NECTIN4: variants seen among roughly 807,000 people sequenced by gnomAD.
The protein encoded by NECTIN4 is nectin-4.
NECTIN4 carries 19 observed loss-of-function variants against 51.7 expected under a neutral mutation model. That is an observed-to-expected ratio of 0.37 (90% CI 0.26 to 0.54). The LOEUF (loss-of-function observed/expected upper bound fraction) is 0.54, where lower values mean the gene tolerates loss of function less well. Among genes scored for constraint, NECTIN4 ranks in the 20% least tolerant of loss-of-function variants. The pLI, the probability that NECTIN4 is intolerant of heterozygous loss-of-function variation, is 0.86. For missense variants in NECTIN4, 619 were observed against 662.4 expected (o/e 0.93, Z 0.72); for synonymous variants, 283 against 286.9 (o/e 0.99, Z 0.14).
At position 161,072,725 on chromosome 1, in the gene NECTIN4, C is replaced by T; in HGVS notation, c.1469G>A (p.Gly490Glu). ...GCCCGTGGGCTTGGCCCGTAGGGTC[C>T]CATTCTCCTGAACAAAATGGTTCAT... is the stretch of plus-strand genomic sequence containing the variant. ...QAMNHFVQEN[G>E]TLRAKPTGNG... The change falls in exon 9 of 9, where the codon GGG (glycine) becomes GAG (glutamate). Residue 490 changes from glycine to glutamate, a missense_variant. Transcript: ENST00000368012. 1 of 1,614,206 alleles carries T rather than the reference C, an allele frequency of 6.2e-7. No individual in the cohort carries two copies. The highest frequency in any genetic ancestry group is 8.5e-7 in the Non-Finnish European group (1 of 1,180,036).
Position 161,089,272 on chromosome 1 carries a change from T to C in NECTIN4, c.25A>G (p.Met9Val), listed in dbSNP as rs900543202. The C allele has an allele frequency of 6.2e-7, 1 of 1,611,032 alleles. No individual in the cohort carries two copies. Among genetic ancestry groups the C allele is most frequent in the South Asian group, 1.1e-5 (1 of 91,056 alleles). The stretch of plus-strand genomic sequence containing the variant: ...AGCAGCCAGGCCTCAGGCCCCCACA[T>C]CTCGGCTCCCAGGGACAGGGGCATG... MPLSLGAE[M>V]WGPEAWLLLL... The change falls in exon 1 of 9, where the codon ATG becomes GTG. Residue 9 changes from methionine to valine, a missense_variant. Physicochemically the swap from Met to Val is conservative, Grantham distance 21. Transcript: ENST00000368012. The surrounding 1 kb of genome is among the most constrained non-coding windows in gnomAD (Gnocchi z 4.1).
Position 161,072,848 on chromosome 1 carries a change from G to C in NECTIN4, c.1346C>G (p.Thr449Ser). The change falls in exon 9 of 9, where the codon ACC becomes AGC. Residue 449 changes from threonine (T) to serine (S), a missense_variant. Physicochemically the swap from Thr to Ser is moderately conservative, Grantham distance 58. Coordinates refer to ENST00000368012, the MANE Select transcript of NECTIN4 (RefSeq NM_030916.3). ...EPEGRSYSTLTTVREIETQTE... is the reference protein window; with the variant it reads ...EPEGRSYSTLSTVREIETQTE... ...CTGTGTTTCTATCTCCCTCACCGTG[G>C]TCAGCGTGGAGTAACTGCGGCCCTC... is the stretch of plus-strand genomic sequence containing the variant. 1 of 1,614,192 alleles carries C rather than the reference G, an allele frequency of 6.2e-7. No homozygotes were observed.
At position 161,072,271 on chromosome 1, in the gene NECTIN4, C is replaced by G; in HGVS notation, c.*390G>C. 2.8e-6 allele frequency: 1 copy of G among 360,898 alleles called. No homozygotes were observed. Among genetic ancestry groups the G allele is most frequent in the Non-Finnish European group, 5.4e-6 (1 of 186,176 alleles). 22.4% of individuals were successfully genotyped at this position (360,898 alleles called of 1,614,324 possible). Reference sequence around the variant, plus strand: ...AGGTCACACACAGCCACATGACACACACGCCAAACCCTGACAGTGTTGCCC... The same window carrying G: ...AGGTCACACACAGCCACATGACACAGACGCCAAACCCTGACAGTGTTGCCC... On this transcript the variant is annotated 3_prime_UTR_variant, in exon 9 of 9. Transcript: ENST00000368012.
At chr1:161,081,514 A>G (rs745498546) in intron 1 of NECTIN4, among the ~76,000 whole-genome samples, 3 of 152,156 alleles carry the variant, frequency 2.0e-5, no homozygotes, top group Non-Finnish European at 2.9e-5. Context: ...TTGGGAAGAA[A>G]TAAATTTGGA....
intron 2 of NECTIN4, among the ~76,000 whole-genome samples, 181 bp from the exon 3 acceptor site, chr1:161,077,924 A>G (rs1653492816): frequency 6.6e-6 from 1 of 152,202 alleles, no homozygotes; most frequent in South Asian, 2.1e-4. Context: ...CTACTGTGCG[A>G]ATTTTTTACA....
intron 1 of NECTIN4, among the ~76,000 whole-genome samples, chr1:161,081,470 T>G (rs1288211485): frequency 6.6e-6 from 1 of 152,080 alleles, no homozygotes; most frequent in Admixed American, 6.5e-5. Flanking sequence ...GATGAGTAAC[T>G]TATGAGGGAG....
At chr1:161,086,204 C>T (rs1454849606) in intron 1 of NECTIN4, among the ~76,000 whole-genome samples, 1 of 152,190 alleles carries the variant, frequency 6.6e-6, no homozygotes, top group African/African-American at 2.4e-5. Flanking sequence ...ACCCCCAGAT[C>T]CTGAGGCTCT....
chr1:161,073,916 G>C (rs1653298672), intron 6 of NECTIN4, 121 bp from the exon 7 acceptor site: 1 of 885,128 alleles, frequency 1.1e-6, no homozygotes, highest in African/African-American at 1.6e-5. Context: ...GGCCCTGCAA[G>C]TGTGAGTGTG....
At position 161,079,858 on chromosome 1, in the gene NECTIN4, G is replaced by A. The variant is rs189626785; in HGVS notation, c.171C>T (p.Asp57=). 2.5e-5 allele frequency: 40 copies of A among 1,613,916 alleles called. No individual in the cohort carries two copies. The East Asian group carries it at 7.1e-4, about 29-fold the overall frequency. Residue 57 remains aspartate, a synonymous_variant, in exon 2 of 9, where the codon GAC becomes GAT. Transcript: ENST00000368012. The part of the protein sequence containing the change: ...DAKLPCFYRG[D]SGEQVGQVAW... ...CCACTTGCCCCACTTGCTCGCCGGA[G>A]TCCCCTCGGTAGAAGCAGGGCAGTT...
intron 4 of NECTIN4, 77 bp downstream of exon 4, chr1:161,076,278 C>T (rs1653409190): frequency 3.9e-6 from 6 of 1,546,514 alleles, no homozygotes; most frequent in Non-Finnish European, 5.3e-6. Context: ...TTGTCCCATT[C>T]CATAGTGGTA....
rs1653130054 is a variant in NECTIN4, at chr1:161,071,216, T to C, written c.*1445A>G. ...GGGTACTAAATCTAGGTATTCTGGCTGAGTGTATCTGGGTGGGCCAGCTAA... is the reference window on the plus strand; with the variant it reads ...GGGTACTAAATCTAGGTATTCTGGCCGAGTGTATCTGGGTGGGCCAGCTAA... On this transcript the variant is annotated 3_prime_UTR_variant, in exon 9 of 9. Transcript: ENST00000368012. The C allele has an allele frequency of 6.6e-6, 1 of 152,130 alleles. No homozygotes were observed. 9.4% of individuals were successfully genotyped at this position (152,130 alleles called of 1,614,324 possible).
chr1:161,086,194 AC>A, intron 1 of NECTIN4, among the ~76,000 whole-genome samples: 1 of 151,994 alleles, frequency 6.6e-6, no homozygotes, highest in East Asian at 1.9e-4. Flanking sequence ...TGCCTAGAGG[AC>A]CCCCAGATCC....
intron 4 of NECTIN4, among the ~76,000 whole-genome samples, chr1:161,075,833 T>C (rs1653391287): frequency 6.6e-6 from 1 of 151,760 alleles, no homozygotes; most frequent in African/African-American, 2.4e-5. Flanking sequence ...ATCACAGTAC[T>C]TTGGAAGGCC....
rs775581833 is a variant in NECTIN4, at chr1:161,073,316, C to T, written c.1234-17G>A. ...CTCCTCCGGCTGCAGGGCCCAGACACGGGGCAGTTAGAACAGGGCTCAGCC... is the reference window on the plus strand; with the variant it reads ...CTCCTCCGGCTGCAGGGCCCAGACATGGGGCAGTTAGAACAGGGCTCAGCC... On this transcript the variant is annotated splice_polypyrimidine_tract_variant and intron_variant, in intron 7 of 8. Coordinates refer to ENST00000368012, the MANE Select transcript of NECTIN4 (RefSeq NM_030916.3). The T allele has an allele frequency of 5.5e-5, 89 of 1,612,036 alleles. 2 individuals carry two copies. The highest frequency in any genetic ancestry group is 6.6e-5 in the South Asian group (6 of 90,974).
rs1425561823 is a variant in NECTIN4, at chr1:161,089,361, A to C, written c.-65T>G. ...CGAGATCTCCCTGGGAGCCGGCTGC[A>C]GACTTGAATAAGGAACTGACCCAGA... On this transcript the variant is annotated 5_prime_UTR_variant, in exon 1 of 9. Transcript: ENST00000368012. The surrounding 1 kb of genome is among the most constrained non-coding windows in gnomAD (Gnocchi z 4.1). 11 of 1,466,016 alleles carry C rather than the reference A, an allele frequency of 7.5e-6. No homozygotes were observed. The African/African-American group carries it at 1.4e-4, about 19-fold the overall frequency. 90.8% of individuals were successfully genotyped at this position (1,466,016 alleles called of 1,614,324 possible).
At chr1:161,080,048 T>G in intron 1 of NECTIN4, 99 bp from the exon 2 acceptor site, 1 of 1,432,176 alleles carries the variant, frequency 7.0e-7, no homozygotes, top group Non-Finnish European at 9.3e-7. Flanking sequence ...CCGGAACTCC[T>G]GGAGCATTTG....
chr1:161,087,286 T>TGCA (rs1309805344), intron 1 of NECTIN4: 1 of 152,150 alleles, frequency 6.6e-6, no homozygotes. Context: ...TTGTAGCTGC[T>TGCA]GCAGCAGCAG....
chr1:161,079,714 G>T lies in NECTIN4; in HGVS notation c.315C>A (p.Arg105=), dbSNP rs1176017817. The T allele has an allele frequency of 2.5e-6, 4 of 1,609,084 alleles. No individual in the cohort carries two copies. The highest frequency in any genetic ancestry group is 3.4e-6 in the Non-Finnish European group (4 of 1,179,768). The part of the protein sequence containing the change: ...EGRVEQPPPP[R]NPLDGSVLLR... ...GGAGCACTGAGCCGTCCAGGGGGTT[G>T]CGTGGGGGCGGCGGCTGCTCCACGC... The change falls in exon 2 of 9, where the codon CGC becomes CGA. Residue 105 remains arginine, a synonymous_variant. Coordinates refer to ENST00000368012, the MANE Select transcript of NECTIN4 (RefSeq NM_030916.3).
chr1:161,072,439 G>A lies in NECTIN4; in HGVS notation c.*222C>T, dbSNP rs1653215010. 1.1e-5 allele frequency: 7 copies of A among 614,488 alleles called. No individual in the cohort carries two copies. In the East Asian group the frequency reaches 1.4e-4, roughly 12 times the overall value. The allele number at this position is 614,488 out of a possible 1,614,324, so 38.1% of individuals were successfully genotyped here. A position where few individuals can be genotyped will look rare whatever the true frequency, so the allele number is the denominator to read the frequency against. ...ACACAGTCAGTCAACACTCACACAGGCACACATGCACACACACAGTGACCT... is the reference window on the plus strand; with the variant it reads ...ACACAGTCAGTCAACACTCACACAGACACACATGCACACACACAGTGACCT... On this transcript the variant is annotated 3_prime_UTR_variant, in exon 9 of 9. Coordinates refer to ENST00000368012, the MANE Select transcript of NECTIN4 (RefSeq NM_030916.3).
Sources: gnomAD v4.1 joint callset for allele counts (sites outside exome capture counted in the v4.1 genomes callset) on GRCh38, gnomAD v4.1.1 for gene constraint, Gnocchi (gnomAD v3.1) non-coding constraint, MANE v1.5 for transcripts, NCBI Gene and HGNC (gene_info 2026-07-23, HGNC 2026-07-21) for gene names.